The following ARID4A variants were observed in gnomAD, a reference collection of about 807,000 sequenced individuals.
ARID4A encodes AT-rich interactive domain-containing protein 4A.
Under a neutral mutation model 148.6 loss-of-function variants are expected in ARID4A, and 39 were observed. The ratio of observed to expected loss-of-function variants is 0.26; its 90% CI spans 0.20 to 0.34. The LOEUF (loss-of-function observed/expected upper bound fraction) is 0.34, where lower values mean the gene tolerates loss of function less well. Among genes scored for constraint, ARID4A ranks in the 10% least tolerant of loss-of-function variants. The pLI is 1.00. For missense variants in ARID4A, 1,265 were observed against 1,449.1 expected (o/e 0.87, Z 2.06); for synonymous variants, 475 against 481.2 (o/e 0.99, Z 0.17).
At chr14:58,361,875 C>G (rs1431286579) in intron 19 of ARID4A, among the ~76,000 whole-genome samples, 1 of 152,058 alleles carries the variant, frequency 6.6e-6, no homozygotes, top group Non-Finnish European at 1.5e-5. Context: ...GGTTTTTGGA[C>G]TAGGGGTGTT....
At chr14:58,302,959 C>CA (rs928338261) in intron 3 of ARID4A, among the ~76,000 whole-genome samples, 9 of 147,080 alleles carry the variant, frequency 6.1e-5, no homozygotes, top group South Asian at 2.1e-4. Context: ...GACCCTGTCT[C>CA]AAAAAAAAAA....
chr14:58,372,219 T>C lies in ARID4A; in HGVS notation c.*230T>C. 2.4e-6 allele frequency: 1 copy of C among 425,148 alleles called. No homozygotes were observed. Among genetic ancestry groups the C allele is most frequent in the Non-Finnish European group, 4.2e-6 (1 of 236,986 alleles). 26.3% of individuals were successfully genotyped at this position (425,148 alleles called of 1,614,324 possible). The stretch of plus-strand genomic sequence containing the variant: ...AGCCTGCCATATTTGTCATAATTTT[T>C]CCTCTTTACTTTTGTTTTTCGTTTG... On this transcript the variant is annotated 3_prime_UTR_variant, in exon 24 of 24. Transcript: ENST00000355431.
chr14:58,354,718 T>C (rs1015166292), intron 17 of ARID4A, among the ~76,000 whole-genome samples: 8 of 151,978 alleles, frequency 5.3e-5, no homozygotes, highest in African/African-American at 1.9e-4. Flanking sequence ...AAAGAGATTT[T>C]GCTCCATATT....
In ARID4A at chr14:58,338,520, G is replaced by T. The variant is rs1483817826; in HGVS notation, c.907-6175G>T. 2.0e-5 allele frequency among the ~76,000 whole-genome samples: 3 copies of T among 152,080 alleles called. No homozygotes were observed. The East Asian group carries it at 5.8e-4, about 29-fold the overall frequency. On this transcript the variant is annotated intron_variant, in intron 11 of 23. Transcript: ENST00000355431. The stretch of plus-strand genomic sequence containing the variant: ...TGATAGGGATCTGCCCATTTCAGGG[G>T]ATTCTTCCTGCTGCCTTCAAACTGA...
chr14:58,364,252 A>G lies in ARID4A; in HGVS notation c.2163A>G (p.Leu721=), dbSNP rs1277871323. The G allele has an allele frequency of 1.3e-6, 2 of 1,538,992 alleles. No homozygotes were observed. Among genetic ancestry groups the G allele is most frequent in the East Asian group, 2.3e-5 (1 of 43,068 alleles). ...INEELSLKDE[L]EKNENLNDDK... The stretch of plus-strand genomic sequence containing the variant: ...AAGAACTTTCTCTTAAAGATGAACT[A>G]GAAAAAAATGAAAATTTGAATGATG... Residue 721 remains leucine (L), a synonymous_variant, in exon 20 of 24, where the codon CTA becomes CTG. Coordinates refer to ENST00000355431, the MANE Select transcript of ARID4A (RefSeq NM_002892.4).
At chr14:58,348,609 G>C (rs1018600973) in intron 15 of ARID4A, among the ~76,000 whole-genome samples, 1 of 152,146 alleles carries the variant, frequency 6.6e-6, no homozygotes, top group Non-Finnish European at 1.5e-5. Flanking sequence ...GTCCAGTGAT[G>C]TTACATAGTA....
chr14:58,333,583 AT>A (rs1185963119), intron 11 of ARID4A, among the ~76,000 whole-genome samples: 1 of 152,124 alleles, frequency 6.6e-6, no homozygotes, highest in Non-Finnish European at 1.5e-5. Context: ...AACTACTGCC[AT>A]TTCTGTAATA....
At position 58,322,280 on chromosome 14, in the gene ARID4A, A is replaced by G. The variant is rs185081380; in HGVS notation, c.450-1205A>G. On this transcript the variant is annotated intron_variant, in intron 7 of 23. Coordinates refer to ENST00000355431, the MANE Select transcript of ARID4A (RefSeq NM_002892.4). ...CCACTGCACCCAGCCGATAATGTAT[A>G]TAAATTTATTAGTGTGTAATAAGTA... 5.3e-5 allele frequency among the ~76,000 whole-genome samples: 8 copies of G among 152,218 alleles called. 1 individual carries two copies. In the East Asian group the frequency reaches 1.5e-3, roughly 29 times the overall value.
intron 10 of ARID4A, 76 bp from the exon 11 acceptor site, chr14:58,329,927 T>G: frequency 6.6e-7 from 1 of 1,521,720 alleles, no homozygotes; most frequent in Non-Finnish European, 8.8e-7. Flanking sequence ...GATCTTTGAT[T>G]CTGAATGCCA....
rs1399991261 is a variant in ARID4A at position 58,329,461 on chromosome 14, C to T, written c.663-67C>T. 3.8e-6 allele frequency: 4 copies of T among 1,062,318 alleles called. No homozygotes were observed. The African/African-American group carries it at 4.8e-5, about 13-fold the overall frequency. The allele number at this position is 1,062,318 out of a possible 1,614,324, so 65.8% of individuals were successfully genotyped here. A position where few individuals can be genotyped will look rare whatever the true frequency, so the allele number is the denominator to read the frequency against. On this transcript the variant is annotated intron_variant, in intron 9 of 23. Coordinates refer to ENST00000355431, the MANE Select transcript of ARID4A (RefSeq NM_002892.4). ...AGGTTTTTATTTTTCTATGTGTTAA[C>T]ATGAACTATTTAAGTGATAATTTTT...
intron 11 of ARID4A, among the ~76,000 whole-genome samples, chr14:58,339,591 A>G (rs1335313249): frequency 6.6e-6 from 1 of 152,178 alleles, no homozygotes; most frequent in Non-Finnish European, 1.5e-5. Flanking sequence ...ATTGGAAACT[A>G]GAGTTGCTAG....
chr14:58,337,270 T>TA (rs2033882383), intron 11 of ARID4A, among the ~76,000 whole-genome samples: 1 of 54,536 alleles, frequency 1.8e-5, no homozygotes, highest in Non-Finnish European at 4.1e-5. Flanking sequence ...ATATATATAA[T>TA]TAAAACCGAG....
chr14:58,339,100 G>A (rs1336672148), intron 11 of ARID4A, among the ~76,000 whole-genome samples: 1 of 151,036 alleles, frequency 6.6e-6, no homozygotes, highest in Non-Finnish European at 1.5e-5. Flanking sequence ...GAGTAGCTGG[G>A]ACTAGGATTA....
intron 23 of ARID4A, among the ~76,000 whole-genome samples, chr14:58,368,483 A>G (rs769961747): frequency 2.6e-5 from 4 of 152,180 alleles, no homozygotes; most frequent in African/African-American, 4.8e-5. Context: ...TGGAAGCCAC[A>G]TGACCAGACA....
At chr14:58,363,470 TG>T (rs2035220746) in intron 19 of ARID4A, among the ~76,000 whole-genome samples, 1 of 152,060 alleles carries the variant, frequency 6.6e-6, no homozygotes, top group African/African-American at 2.4e-5. Flanking sequence ...GAGGCTGAGG[TG>T]GGCGGATCAC....
At chr14:58,365,420 TAA>T in intron 20 of ARID4A, 96 bp from the exon 21 acceptor site, 1 of 1,371,474 alleles carries the variant, frequency 7.3e-7, no homozygotes, top group Non-Finnish European at 9.8e-7. Context: ...CTTTTCTTAT[TAA>T]AAAGAAAGAA....
chr14:58,368,559 A>T (rs1342372703), intron 23 of ARID4A, among the ~76,000 whole-genome samples: 3 of 152,210 alleles, frequency 2.0e-5, no homozygotes, highest in Admixed American at 6.5e-5. Flanking sequence ...AAGGAACTGG[A>T]AGAAAAAAAA....
At position 58,372,029 on chromosome 14, in the gene ARID4A, G is replaced by A; in HGVS notation, c.*40G>A. On this transcript the variant is annotated 3_prime_UTR_variant, in exon 24 of 24. Transcript: ENST00000355431. ...ACCTTCCCAGCAGTTTGCTGCCATG[G>A]ACATAAATCCCCAAACCCTGAATTA... The A allele has an allele frequency of 7.1e-7, 1 of 1,414,804 alleles. No homozygotes were observed. The highest frequency in any genetic ancestry group is 1.4e-5 in the African/African-American group (1 of 71,680). 87.6% of individuals were successfully genotyped at this position (1,414,804 alleles called of 1,614,324 possible).
At chr14:58,300,512 C>G (rs1287692746) in intron 2 of ARID4A, among the ~76,000 whole-genome samples, 2 of 152,070 alleles carry the variant, frequency 1.3e-5, no homozygotes, top group Non-Finnish European at 2.9e-5. Context: ...AAAAGCATTC[C>G]TATTCAATTT....
Sources: allele counts gnomAD v4.1 joint callset (sites outside exome capture counted in the v4.1 genomes callset), GRCh38; gene constraint gnomAD v4.1.1; transcripts MANE v1.5; gene names NCBI Gene and HGNC (gene_info 2026-07-23, HGNC 2026-07-21).